GOLGA4: variants seen among roughly 807,000 people sequenced by gnomAD.
The protein encoded by GOLGA4 is golgin subfamily A member 4.
In GOLGA4, 169 loss-of-function variants were observed where a neutral mutation model predicts 265.9. The observed-to-expected ratio is 0.64, with a 90% CI of 0.56 to 0.72. GOLGA4 has a LOEUF of 0.72. GOLGA4 is among the 30% of genes least tolerant of loss of function. The pLI is 0.00. For synonymous variants in GOLGA4, 923 were observed against 855.8 expected, an observed-to-expected ratio of 1.08 and a Z score of -1.37; for missense variants, 2,482 against 2,483.4, an observed-to-expected ratio of 1.00 and a Z score of 0.01.
chr3:37,265,489 C>T (rs2096781254), intron 2 of GOLGA4, among the ~76,000 whole-genome samples: 1 of 152,076 alleles, frequency 6.6e-6, no homozygotes, highest in African/African-American at 2.4e-5. Context: ...AAAAATGGGT[C>T]AGTATTTATA....
At position 37,296,096 on chromosome 3, in the gene GOLGA4, C is replaced by A; in HGVS notation, c.691C>A (p.Leu231Met). 6.2e-7 allele frequency: 1 copy of A among 1,613,622 alleles called. No homozygotes were observed. Among genetic ancestry groups the A allele is most frequent in the Non-Finnish European group, 8.5e-7 (1 of 1,179,548 alleles). Residue 231 changes from leucine (L) to methionine (M), a missense_variant, in exon 7 of 24, where the codon CTG becomes ATG. Around this residue, in one of 3 missense-constraint regions of GOLGA4, gnomAD observed 1,536 missense variants for 1,483.7 expected, o/e 1.04. Coordinates refer to ENST00000361924, the MANE Select transcript of GOLGA4 (RefSeq NM_002078.5). ...ISVLQTQVSL[L>M]KQRLRNGPMN... ...AGCACATTTATATTAGGTTTCTCTA[C>A]TGAAACAACGATTACGAAATGGCCC...
In GOLGA4 at chr3:37,362,780, CTTTTTT is replaced by C. The variant is rs71094906; in HGVS notation, c.*33+1490_*33+1495del. Reference sequence around the variant, plus strand: ...CGATCTTCCTACCTCAGCCTCTAAGCTTTTTTTTTTTTTTTTTTTTGAGACGGAGTC... The same window carrying C: ...CGATCTTCCTACCTCAGCCTCTAAGCTTTTTTTTTTTTTTGAGACGGAGTC... On this transcript the variant is annotated intron_variant, in intron 23 of 23. Transcript: ENST00000361924. Among the ~76,000 whole-genome samples the C allele has an allele frequency of 2.4e-3, 184 of 75,458 alleles. 7 individuals carry two copies. The Middle Eastern group carries it at 0.055, about 22-fold the overall frequency. The allele number at this position is 75,458 out of a possible 152,430, so 49.5% of individuals were successfully genotyped here.
chr3:37,312,908 T>C (rs948697254), intron 10 of GOLGA4, among the ~76,000 whole-genome samples: 2 of 152,190 alleles, frequency 1.3e-5, no homozygotes, highest in African/African-American at 4.8e-5. Context: ...TTTTATACTT[T>C]GGACATATAA....
At position 37,316,199 on chromosome 3, in the gene GOLGA4, CTT is replaced by C. The variant is rs34521576; in HGVS notation, c.1413+614_1413+615del. Among the ~76,000 whole-genome samples, 1,383 of 138,712 alleles carry C rather than the reference CTT, an allele frequency of 1.0e-2. 27 individuals are homozygous for C. Among genetic ancestry groups the C allele is most frequent in the African/African-American group, 0.033 (1,249 of 37,856 alleles). The allele number at this position is 138,712 out of a possible 152,430, so 91.0% of individuals were successfully genotyped here. On this transcript the variant is annotated intron_variant, in intron 11 of 23. Transcript: ENST00000361924. ...TTCCTTCCTCACCCATTTTTTTCTG[CTT>C]TTTTTTTTTTTTGCTTGTTTTTCCT...
At chr3:37,338,655 G>A (rs1255336926) in intron 19 of GOLGA4, among the ~76,000 whole-genome samples, 1 of 152,038 alleles carries the variant, frequency 6.6e-6, no homozygotes, top group Non-Finnish European at 1.5e-5. Flanking sequence ...TTCATTTACA[G>A]TGTTGTGAAA....
rs1230640163 is a variant in GOLGA4 at position 37,347,587 on chromosome 3, TTTC to T, written c.6576+298_6576+300del. ...ATAATTTGTGAACCATGTGGCTTTTTTTCTTCTTCATATCTTTAAGTTAGAAGA... is the reference window on the plus strand; with the variant it reads ...ATAATTTGTGAACCATGTGGCTTTTTTTCTTCATATCTTTAAGTTAGAAGA... On this transcript the variant is annotated intron_variant, in intron 21 of 23. Coordinates refer to ENST00000361924, the MANE Select transcript of GOLGA4 (RefSeq NM_002078.5). 5.3e-5 allele frequency among the ~76,000 whole-genome samples: 8 copies of T among 152,290 alleles called. No homozygotes were observed. In the South Asian group the frequency reaches 6.2e-4, roughly 12 times the overall value.
At chr3:37,305,471 G>T (rs2096903657) in intron 10 of GOLGA4, among the ~76,000 whole-genome samples, 1 of 152,162 alleles carries the variant, frequency 6.6e-6, no homozygotes, top group African/African-American at 2.4e-5. Context: ...CAAGTAGGAA[G>T]TGATTCTTAG....
rs200274961 is a variant in GOLGA4, at chr3:37,308,335, AT to A, written c.1234+6007del. Among the ~76,000 whole-genome samples the A allele has an allele frequency of 7.1e-3, 1,085 of 151,886 alleles. 15 individuals are homozygous for A. The highest frequency in any genetic ancestry group is 0.025 in the African/African-American group (1,018 of 41,518). On this transcript the variant is annotated intron_variant, in intron 10 of 23. Coordinates refer to ENST00000361924, the MANE Select transcript of GOLGA4 (RefSeq NM_002078.5). ...GTTTATAGAATGAATCTTGTTATAT[AT>A]TTTGTAGTATGGCTTAAAATGTAGT...
At chr3:37,295,209 C>T in intron 6 of GOLGA4, 132 bp downstream of exon 6, 1 of 521,754 alleles carries the variant, frequency 1.9e-6, no homozygotes, top group South Asian at 3.3e-5. Context: ...TTGCTTTCCT[C>T]AATTTTTTTT....
At chr3:37,333,250 T>C (rs2096997242) in intron 16 of GOLGA4, among the ~76,000 whole-genome samples, 1 of 152,228 alleles carries the variant, frequency 6.6e-6, no homozygotes, top group Non-Finnish European at 1.5e-5. Flanking sequence ...TGGTTTCTTT[T>C]TAACATTGAC....
intron 11 of GOLGA4, among the ~76,000 whole-genome samples, chr3:37,316,302 A>G (rs1179871983): frequency 6.8e-6 from 1 of 146,608 alleles, no homozygotes; most frequent in African/African-American, 2.5e-5. Context: ...TATATTCTTG[A>G]TATTTGATTA....
intron 7 of GOLGA4, among the ~76,000 whole-genome samples, chr3:37,296,636 T>C (rs1276387729): frequency 6.6e-6 from 1 of 152,214 alleles, no homozygotes; most frequent in East Asian, 1.9e-4. Context: ...AGTAGCATGA[T>C]CTCGGCTCAC....
intron 21 of GOLGA4, among the ~76,000 whole-genome samples, chr3:37,353,568 G>T (rs774710519): frequency 3.3e-5 from 5 of 151,914 alleles, no homozygotes; most frequent in Admixed American, 6.6e-5. Flanking sequence ...TTAACAACAG[G>T]GTCTTACTCT....
intron 12 of GOLGA4, chr3:37,321,462 C>G (rs767442021): frequency 1.3e-4 from 40 of 309,380 alleles, no homozygotes; most frequent in Middle Eastern, 9.0e-4. Context: ...AGCAGTGTTT[C>G]GTAAAACAAG....
chr3:37,275,934 C>A, intron 2 of GOLGA4: 2 of 1,613,646 alleles, frequency 1.2e-6, no homozygotes, highest in Non-Finnish European at 1.7e-6. Flanking sequence ...GATGGGCCAT[C>A]AACTGAGAAA....
chr3:37,275,993 C>T, intron 2 of GOLGA4: 2 of 1,613,374 alleles, frequency 1.2e-6, no homozygotes, highest in Non-Finnish European at 1.7e-6. Context: ...GCAGAACAGC[C>T]CTGAGGCAAG....
intron 17 of GOLGA4, 23 bp downstream of exon 17, chr3:37,335,189 G>T: frequency 1.6e-6 from 2 of 1,223,908 alleles, no homozygotes; most frequent in African/African-American, 1.5e-5. Context: ...TGAGTTTGCT[G>T]CACATGTTTC....
rs754575863 is a variant in GOLGA4, at chr3:37,326,240, A to G, written c.4354A>G (p.Arg1452Gly). The G allele has an allele frequency of 8.7e-6, 14 of 1,613,664 alleles. No homozygotes were observed. Among genetic ancestry groups the G allele is most frequent in the East Asian group, 2.2e-5 (1 of 44,864 alleles). ...AGAATGGAAGAAGAAAGCACAGTCAAGATTTACACAGCATCAAAACACTGT... is the reference window on the plus strand; with the variant it reads ...AGAATGGAAGAAGAAAGCACAGTCAGGATTTACACAGCATCAAAACACTGT... ...FSEWKKKAQS[R>G]FTQHQNTVKE... Residue 1452 changes from arginine (R) to glycine (G), a missense_variant, in exon 14 of 24, where the codon AGA becomes GGA. Coordinates refer to ENST00000361924, the MANE Select transcript of GOLGA4 (RefSeq NM_002078.5).
chr3:37,357,145 C>T (rs2097092977), intron 22 of GOLGA4, among the ~76,000 whole-genome samples: 1 of 152,080 alleles, frequency 6.6e-6, no homozygotes, highest in African/African-American at 2.4e-5. Context: ...TTCCTGAATA[C>T]AGTGGTATTC....
Sources: gnomAD v4.1 joint callset for allele counts (sites outside exome capture counted in the v4.1 genomes callset) on GRCh38, gnomAD v4.1.1 for gene constraint, gnomAD v4.1.1 regional missense constraint, MANE v1.5 for transcripts, NCBI Gene and HGNC (gene_info 2026-07-23, HGNC 2026-07-21) for gene names.